The following KCNK5 variants were observed in gnomAD, a reference collection of about 807,000 sequenced individuals.
The protein encoded by KCNK5 is potassium two pore domain channel subfamily K member 5.
In KCNK5, 18 loss-of-function variants were observed where a neutral mutation model predicts 32.9. The ratio of observed to expected loss-of-function variants is 0.55; its 90% CI spans 0.38 to 0.81. The LOEUF is 0.81. KCNK5 is among the 30% of genes least tolerant of loss of function. KCNK5 has a pLI of 0.00. For synonymous variants in KCNK5, 276 were observed against 275.3 expected (o/e 1.00, Z -0.03); for missense variants, 507 against 651.0 (o/e 0.78, Z 2.41).
chr6:39,216,200 G>C (rs962342029), intron 1 of KCNK5, among the ~76,000 whole-genome samples: 2 of 152,162 alleles, frequency 1.3e-5, no homozygotes, highest in Non-Finnish European at 2.9e-5. Context: ...CTGGAGAATC[G>C]CTTGAACCTG....
chr6:39,196,632 T>C (rs1292376218), intron 1 of KCNK5, among the ~76,000 whole-genome samples: 1 of 152,170 alleles, frequency 6.6e-6, no homozygotes. Flanking sequence ...CAGCAGGTCC[T>C]CCTTTCCCCC....
intron 1 of KCNK5, among the ~76,000 whole-genome samples, chr6:39,225,200 T>C (rs1771630364): frequency 6.6e-6 from 1 of 152,204 alleles, no homozygotes; most frequent in Non-Finnish European, 1.5e-5. Flanking sequence ...GCCTAATTCT[T>C]TGTATCCTGA....
In KCNK5 at chr6:39,195,749, A is replaced by G. The variant is rs952229231; in HGVS notation, c.298+127T>C. The G allele has an allele frequency of 1.2e-5, 7 of 604,514 alleles. No individual in the cohort carries two copies. The African/African-American group carries it at 1.3e-4, about 11-fold the overall frequency. 37.4% of individuals were successfully genotyped at this position (604,514 alleles called of 1,614,324 possible). A position where few individuals can be genotyped will look rare whatever the true frequency, so the allele number is the denominator to read the frequency against. ...TTAACAAATCCCTAAGAAAGTATCA[A>G]AAGAATAGCCTGCAACTGATCTGAT... On this transcript the variant is annotated intron_variant, in intron 2 of 4. Transcript: ENST00000359534.
At chr6:39,228,815 C>A (rs562356302) in intron 1 of KCNK5, 111 bp downstream of exon 1, 3 of 1,056,446 alleles carry the variant, frequency 2.8e-6, no homozygotes, top group East Asian at 4.8e-5. Flanking sequence ...ACCCCCTGGA[C>A]CTTCCACAGG....
chr6:39,220,078 G>A (rs1324866528), intron 1 of KCNK5, among the ~76,000 whole-genome samples: 2 of 152,214 alleles, frequency 1.3e-5, no homozygotes, highest in Non-Finnish European at 2.9e-5. Context: ...TCAGACAAAT[G>A]GAAGGGGGCT....
At position 39,191,373 on chromosome 6, in the gene KCNK5, A is replaced by C. The variant is rs1562049024; in HGVS notation, c.1017T>G (p.Pro339=). Residue 339 remains proline, a synonymous_variant, in exon 5 of 5, where the codon CCT becomes CCG. Transcript: ENST00000359534. This position sits in a 1 kb window ranked among gnomAD's most constrained non-coding sequence, Gnocchi z 5.8. ...PQGGGLPALP[P]SLVPLVVYSK... Reference sequence around the variant, plus strand: ...AGTAGACTACCAGGGGCACCAGGGAAGGGGGCAGTGCTGGGAGCCCACCGC... The same window carrying C: ...AGTAGACTACCAGGGGCACCAGGGACGGGGGCAGTGCTGGGAGCCCACCGC... 1.9e-6 allele frequency: 3 copies of C among 1,613,568 alleles called. No homozygotes were observed. Among genetic ancestry groups the C allele is most frequent in the Non-Finnish European group, 2.5e-6 (3 of 1,179,972 alleles).
intron 1 of KCNK5, among the ~76,000 whole-genome samples, chr6:39,197,587 C>G (rs1487362592): frequency 3.3e-5 from 5 of 152,232 alleles, no homozygotes; most frequent in African/African-American, 1.2e-4. Context: ...TAGATACTAA[C>G]AGGCCAACAG....
chr6:39,197,919 A>G (rs930817225), intron 1 of KCNK5, among the ~76,000 whole-genome samples: 7 of 152,388 alleles, frequency 4.6e-5, no homozygotes, highest in Middle Eastern at 3.4e-3. Context: ...AGATGTCAGA[A>G]GACAAGCTGT....
chr6:39,191,082 C>T lies in KCNK5; in HGVS notation c.1308G>A (p.Lys436=), dbSNP rs1427147484. The T allele has an allele frequency of 3.1e-6, 5 of 1,614,076 alleles. No homozygotes were observed. Among genetic ancestry groups the T allele is most frequent in the Non-Finnish European group, 2.5e-6 (3 of 1,180,002 alleles). ...CTGCCAAGTTGTCCTCTAGCGAGGA[C>T]TTGGAGGTCTCCTCGTCTGAGAGGC... ...EAGLSDEETS[K]SSLEDNLAGE... The change falls in exon 5 of 5, where the codon AAG becomes AAA. Residue 436 remains lysine (K), a synonymous_variant. Transcript: ENST00000359534. The surrounding 1 kb of genome is among the most constrained non-coding windows in gnomAD (Gnocchi z 5.8).
In KCNK5 at chr6:39,227,485, T is replaced by C. The variant is rs117439674; in HGVS notation, c.186+1441A>G. On this transcript the variant is annotated intron_variant, in intron 1 of 4. Coordinates refer to ENST00000359534, the MANE Select transcript of KCNK5 (RefSeq NM_003740.4). ...AAACCAACCAACCATCTACTGAAGCTTATCCTCCCCACCATCACCTCCCAT... is the reference window on the plus strand; with the variant it reads ...AAACCAACCAACCATCTACTGAAGCCTATCCTCCCCACCATCACCTCCCAT... 5.4e-3 allele frequency among the ~76,000 whole-genome samples: 826 copies of C among 152,126 alleles called. 19 individuals carry two copies. The highest frequency in any genetic ancestry group is 0.039 in the East Asian group (201 of 5,152).
At chr6:39,213,074 C>G (rs1583715890) in intron 1 of KCNK5, among the ~76,000 whole-genome samples, 2 of 152,304 alleles carry the variant, frequency 1.3e-5, no homozygotes, top group South Asian at 4.1e-4. Flanking sequence ...GTCCCACAGT[C>G]AGTCCTTTGG....
chr6:39,194,465 A>T lies in KCNK5; in HGVS notation c.466-128T>A, dbSNP rs1770994121. On this transcript the variant is annotated intron_variant, in intron 3 of 4. Coordinates refer to ENST00000359534, the MANE Select transcript of KCNK5 (RefSeq NM_003740.4). This position sits in a 1 kb window ranked among gnomAD's most constrained non-coding sequence, Gnocchi z 4.7. ...GTACCCAGCCTGACCCGGGAGGGCA[A>T]GGAGCTCTGAAACTATCCTCTTGCC... The T allele has an allele frequency of 5.6e-6, 8 of 1,422,480 alleles. No individual in the cohort carries two copies. Among genetic ancestry groups the T allele is most frequent in the East Asian group, 2.3e-5 (1 of 43,588 alleles). The allele number at this position is 1,422,480 out of a possible 1,614,324, so 88.1% of individuals were successfully genotyped here.
Position 39,191,342 on chromosome 6 carries a change from T to C in KCNK5, c.1048A>G (p.Asn350Asp). 1 of 1,613,892 alleles carries C rather than the reference T, an allele frequency of 6.2e-7. No homozygotes were observed. The highest frequency in any genetic ancestry group is 8.5e-7 in the Non-Finnish European group (1 of 1,179,990). The change falls in exon 5 of 5, where the codon AAC becomes GAC. Residue 350 changes from asparagine to aspartate, a missense_variant. Coordinates refer to ENST00000359534, the MANE Select transcript of KCNK5 (RefSeq NM_003740.4). The surrounding 1 kb of genome is among the most constrained non-coding windows in gnomAD (Gnocchi z 5.8). The part of the protein sequence containing the change: ...SLVPLVVYSK[N>D]RVPTLEEVSQ... ...ACCTCTTCCAAGGTGGGCACCCGGT[T>C]CTTGGAGTAGACTACCAGGGGCACC...
intron 1 of KCNK5, among the ~76,000 whole-genome samples, chr6:39,224,331 C>A (rs1362550545): frequency 6.6e-6 from 1 of 152,196 alleles, no homozygotes; most frequent in East Asian, 1.9e-4. Context: ...CAGTGCATTT[C>A]ACAATTTCCA....
At chr6:39,196,895 T>G (rs1583706235) in intron 1 of KCNK5, among the ~76,000 whole-genome samples, 1 of 151,916 alleles carries the variant, frequency 6.6e-6, no homozygotes, top group African/African-American at 2.4e-5. Context: ...GGGGCAGAGG[T>G]GTGGGGAACT....
At position 39,191,679 on chromosome 6, in the gene KCNK5, C is replaced by G; in HGVS notation, c.711G>C (p.Trp237Cys). Residue 237 changes from tryptophan to cysteine, a missense_variant, in exon 5 of 5, where the codon TGG becomes TGC. By Grantham distance (215) the Trp-to-Cys change is radical. Transcript: ENST00000359534. The surrounding 1 kb of genome is among the most constrained non-coding windows in gnomAD (Gnocchi z 5.8). ...VELWIYLGLA[W>C]LSLFVNWKVS... is the part of the protein sequence containing the mutation. ...CCTTCCAGTTGACAAAAAGGGACAG[C>G]CAGGCCAGCCCCAAGTAGATCCAGA... 6.8e-6 allele frequency: 11 copies of G among 1,613,966 alleles called. No homozygotes were observed. Among genetic ancestry groups the G allele is most frequent in the Non-Finnish European group, 9.3e-6 (11 of 1,180,014 alleles).
intron 1 of KCNK5, among the ~76,000 whole-genome samples, chr6:39,204,342 G>T (rs12529279): frequency 0.047 from 7,149 of 152,308 alleles, 210 homozygotes; most frequent in South Asian, 0.099. Flanking sequence ...GATCCTCGAA[G>T]AATCTTTGAT....
At chr6:39,207,788 TG>T (rs2113788679) in intron 1 of KCNK5, among the ~76,000 whole-genome samples, 1 of 152,198 alleles carries the variant, frequency 6.6e-6, no homozygotes, top group South Asian at 2.1e-4. Context: ...CTTTAGTCCT[TG>T]TGGCTGCCAG....
intron 1 of KCNK5, among the ~76,000 whole-genome samples, chr6:39,201,562 A>G (rs1475268456): frequency 2.6e-5 from 4 of 152,078 alleles, no homozygotes; most frequent in African/African-American, 7.2e-5. Flanking sequence ...TCAATTCTTA[A>G]TTCACTGTGT....
Sources: gnomAD v4.1 joint callset for allele counts (sites outside exome capture counted in the v4.1 genomes callset) on GRCh38, gnomAD v4.1.1 for gene constraint, Gnocchi (gnomAD v3.1) non-coding constraint, MANE v1.5 for transcripts, NCBI Gene and HGNC (gene_info 2026-07-23, HGNC 2026-07-21) for gene names.